PRKN: variants seen among roughly 807,000 people sequenced by gnomAD.
PRKN encodes parkin RBR E3 ubiquitin protein ligase.
In PRKN, 56 loss-of-function variants were observed where a neutral mutation model predicts 59.5. The observed-to-expected ratio is 0.94, with a 90% CI of 0.76 to 1.18. The LOEUF is 1.18. PRKN is among the 50% of genes most tolerant of loss of function. PRKN has a pLI of 0.00. For missense variants in PRKN, 657 were observed against 596.4 expected (o/e 1.10, Z -1.06); for synonymous variants, 250 against 222.1 (o/e 1.13, Z -1.12).
chr6:161,389,493 G>A (rs944638938), intron 9 of PRKN, among the ~76,000 whole-genome samples: 2 of 152,176 alleles, frequency 1.3e-5, no homozygotes, highest in Admixed American at 6.5e-5. Flanking sequence ...GCATCAGAAC[G>A]TCCTTACACA....
At chr6:161,751,902 C>A (rs1254514013) in intron 7 of PRKN, among the ~76,000 whole-genome samples, 1 of 152,160 alleles carries the variant, frequency 6.6e-6, no homozygotes, top group Non-Finnish European at 1.5e-5. Flanking sequence ...GGGCAGTGAA[C>A]TGGCTGGAGA....
Position 161,566,653 on chromosome 6 carries a change from C to G in PRKN, c.933+2702G>C, listed in dbSNP as rs906390714. On this transcript the variant is annotated intron_variant, in intron 8 of 11. Coordinates refer to ENST00000366898, the MANE Select transcript of PRKN (RefSeq NM_004562.3). This position sits in a 1 kb window ranked among gnomAD's most constrained non-coding sequence, Gnocchi z 4.1. ...GACTCCTGACCTCAGGTGATCCATT[C>G]GCCTTAGCCTCCCAAAGATGTGGGA... 2.0e-5 allele frequency among the ~76,000 whole-genome samples: 3 copies of G among 152,126 alleles called. No homozygotes were observed. The highest frequency in any genetic ancestry group is 4.4e-5 in the Non-Finnish European group (3 of 68,020).
chr6:161,355,659 G>T lies in PRKN; in HGVS notation c.1285+4429C>A, dbSNP rs1286402755. Among the ~76,000 whole-genome samples the T allele has an allele frequency of 6.6e-6, 1 of 152,126 alleles. No homozygotes were observed. The highest frequency in any genetic ancestry group is 2.4e-5 in the African/African-American group (1 of 41,410). On this transcript the variant is annotated intron_variant, in intron 11 of 11. Transcript: ENST00000366898. This position sits in a 1 kb window ranked among gnomAD's most constrained non-coding sequence, Gnocchi z 6.8. Reference sequence around the variant, plus strand: ...GAACTCAAGCGATCTGCCAGCCTCGGCCTCCCAAAGTGCTGGGATTACAGG... The same window carrying T: ...GAACTCAAGCGATCTGCCAGCCTCGTCCTCCCAAAGTGCTGGGATTACAGG...
rs117199166 is a variant in PRKN at position 161,419,536 on chromosome 6, C to T, written c.1084-32659G>A. Reference sequence around the variant, plus strand: ...CTGAGTAGCTGGGATTACAGGTACACGCCACTGCGCCTGGCTAATTTTTGT... The same window carrying T: ...CTGAGTAGCTGGGATTACAGGTACATGCCACTGCGCCTGGCTAATTTTTGT... On this transcript the variant is annotated intron_variant, in intron 9 of 11. Coordinates refer to ENST00000366898, the MANE Select transcript of PRKN (RefSeq NM_004562.3). This position sits in a 1 kb window ranked among gnomAD's most constrained non-coding sequence, Gnocchi z 4.1. 0.06 allele frequency among the ~76,000 whole-genome samples: 9,150 copies of T among 151,926 alleles called. 384 individuals are homozygous for T. Among genetic ancestry groups the T allele is most frequent in the South Asian group, 0.18 (858 of 4,790 alleles).
chr6:162,122,893 T>C (rs191862018), intron 4 of PRKN, among the ~76,000 whole-genome samples: 111 of 152,166 alleles, frequency 7.3e-4, no homozygotes, highest in African/African-American at 2.6e-3. Context: ...CTACTATATC[T>C]AATAACCCAT....
At chr6:162,111,474 A>G (rs1780436546) in intron 4 of PRKN, among the ~76,000 whole-genome samples, 1 of 150,980 alleles carries the variant, frequency 6.6e-6, no homozygotes, top group Non-Finnish European at 1.5e-5. Context: ...AAAAAAAAAG[A>G]GATGCACACT....
chr6:161,939,477 A>T (rs1171215971), intron 6 of PRKN, among the ~76,000 whole-genome samples: 1 of 149,932 alleles, frequency 6.7e-6, no homozygotes, highest in East Asian at 2.0e-4. Flanking sequence ...CACACTTGTA[A>T]TCCCAGCACT....
chr6:162,210,855 CT>C (rs1048793055), intron 3 of PRKN, among the ~76,000 whole-genome samples: 2 of 152,050 alleles, frequency 1.3e-5, no homozygotes, highest in African/African-American at 4.8e-5. Context: ...AAAATAAAAG[CT>C]TTTTTTATTG....
chr6:162,448,857 CTTTA>C (rs1315042405), intron 1 of PRKN, among the ~76,000 whole-genome samples: 23 of 149,626 alleles, frequency 1.5e-4, no homozygotes, highest in South Asian at 4.3e-4. Context: ...TCCCTCCCTC[CTTTA>C]TTTCTTTCTT....
chr6:162,222,951 G>A (rs1389105740), intron 3 of PRKN, among the ~76,000 whole-genome samples: 1 of 151,516 alleles, frequency 6.6e-6, no homozygotes, highest in Non-Finnish European at 1.5e-5. Flanking sequence ...CTGGTGTGCT[G>A]CACCCATTAA....
At chr6:162,311,009 T>C (rs184527618) in intron 2 of PRKN, among the ~76,000 whole-genome samples, 12 of 152,206 alleles carry the variant, frequency 7.9e-5, no homozygotes, top group Non-Finnish European at 1.6e-4. Flanking sequence ...CTGATGACCA[T>C]AGCGTTCTTT....
rs182848157 is a variant in PRKN, at chr6:162,019,262, T to C, written c.618+34829A>G. ...AATATCTTCCTCATTCACCTTTCCA[T>C]TGGGCCCTGCATGCCTGTGTGTTGA... On this transcript the variant is annotated intron_variant, in intron 5 of 11. Transcript: ENST00000366898. 8.3e-4 allele frequency among the ~76,000 whole-genome samples: 127 copies of C among 152,310 alleles called. 1 individual carries two copies. Among genetic ancestry groups the C allele is most frequent in the Middle Eastern group, 6.8e-3 (2 of 294 alleles).
At chr6:161,383,023 A>T (rs969083087) in intron 10 of PRKN, among the ~76,000 whole-genome samples, 1 of 152,208 alleles carries the variant, frequency 6.6e-6, no homozygotes, top group Non-Finnish European at 1.5e-5. Flanking sequence ...TGATGAGGGT[A>T]TTTAGTTATT....
At chr6:162,433,456 T>C (rs905897257) in intron 2 of PRKN, among the ~76,000 whole-genome samples, 5 of 152,144 alleles carry the variant, frequency 3.3e-5, no homozygotes, top group African/African-American at 1.2e-4. Context: ...CATTTATATA[T>C]AGCAATAAGC....
chr6:162,577,285 A>G (rs901858592), intron 1 of PRKN, among the ~76,000 whole-genome samples: 3 of 152,186 alleles, frequency 2.0e-5, no homozygotes, highest in African/African-American at 4.8e-5. Flanking sequence ...AAAGAATAAG[A>G]TAACAGTTTG....
Position 162,268,040 on chromosome 6 carries a change from G to A in PRKN, c.172-5275C>T, listed in dbSNP as rs115363593. Among the ~76,000 whole-genome samples, 681 of 152,134 alleles carry A rather than the reference G, an allele frequency of 4.5e-3. 5 individuals are homozygous for A. The highest frequency in any genetic ancestry group is 0.016 in the African/African-American group (659 of 41,510). Reference sequence around the variant, plus strand: ...AACAATACCACATTATTAATACATTGTTTTCAGGAGTTATGAAAATAGTTA... The same window carrying A: ...AACAATACCACATTATTAATACATTATTTTCAGGAGTTATGAAAATAGTTA... On this transcript the variant is annotated intron_variant, in intron 2 of 11. Transcript: ENST00000366898.
At chr6:162,446,513 GT>G (rs1356220742) in intron 1 of PRKN, among the ~76,000 whole-genome samples, 2 of 151,972 alleles carry the variant, frequency 1.3e-5, no homozygotes, top group East Asian at 1.9e-4. Flanking sequence ...GTATATACAA[GT>G]TTTTTCTATA....
chr6:161,606,591 G>C (rs1212846927), intron 7 of PRKN, among the ~76,000 whole-genome samples: 2 of 152,178 alleles, frequency 1.3e-5, no homozygotes, highest in African/African-American at 2.4e-5. Context: ...GAAGAGAGAT[G>C]TTAATCAAAT....
At chr6:161,788,597 T>C (rs778315205) in intron 6 of PRKN, among the ~76,000 whole-genome samples, 3 of 151,990 alleles carry the variant, frequency 2.0e-5, no homozygotes, top group Admixed American at 6.6e-5. Flanking sequence ...GAATAAAAAA[T>C]AGGAGAAATT....
Sources: gnomAD v4.1 joint callset for allele counts (sites outside exome capture counted in the v4.1 genomes callset) on GRCh38, gnomAD v4.1.1 for gene constraint, Gnocchi (gnomAD v3.1) non-coding constraint, MANE v1.5 for transcripts, NCBI Gene and HGNC (gene_info 2026-07-23, HGNC 2026-07-21) for gene names.